Variants in CDHR4 observed in about 807,000 individuals in gnomAD.
CDHR4 encodes cadherin-related family member 4.
In CDHR4, 89 loss-of-function variants were observed where a neutral mutation model predicts 88.4. The observed-to-expected ratio is 1.01, with a 90% CI of 0.85 to 1.20. The LOEUF (loss-of-function observed/expected upper bound fraction) is 1.20, where lower values mean the gene tolerates loss of function less well. Among genes scored for constraint, CDHR4 ranks in the 50% most tolerant of loss-of-function variants. CDHR4 has a pLI of 0.00. For synonymous variants in CDHR4, 368 were observed against 399.2 expected (o/e 0.92, Z 0.93); for missense variants, 914 against 1,007.2 (o/e 0.91, Z 1.25).
intron 4 of CDHR4, 58 bp from the exon 5 acceptor site, chr3:49,797,090 A>G (rs1307179666): frequency 1.1e-5 from 15 of 1,412,358 alleles, no homozygotes; most frequent in East Asian, 5.0e-5. Flanking sequence ...GAGCACCCCC[A>G]TCGACAACCC....
chr3:49,794,753 G>C, intron 9 of CDHR4, 52 bp from the exon 10 acceptor site: 1 of 1,496,388 alleles, frequency 6.7e-7, no homozygotes, highest in East Asian at 2.5e-5. Flanking sequence ...AGAGAGCCCT[G>C]AGCCACACGG....
Position 49,795,610 on chromosome 3 carries a change from C to G in CDHR4, c.847+18G>C. 1 of 1,551,060 alleles carries G rather than the reference C, an allele frequency of 6.4e-7. No homozygotes were observed. Among genetic ancestry groups the G allele is most frequent in the Admixed American group, 2.0e-5 (1 of 50,966 alleles). On this transcript the variant is annotated intron_variant, in intron 7 of 18. Transcript: ENST00000412678. This position sits in a 1 kb window ranked among gnomAD's most constrained non-coding sequence, Gnocchi z 5.4. ...AGAGGCATCCCAGTACCTGCCCCCA[C>G]CCCCCAACACCTCTCACCACGACCA...
Position 49,791,774 on chromosome 3 carries a change from C to T in CDHR4, c.2223G>A (p.Glu741=). ...NSIQGTEGSI[E]GFLEAPKMEM... The stretch of plus-strand genomic sequence containing the variant: ...CCATCTTCGGTGCCTCCAGGAAACC[C>T]TCGATGGATCCCTCAGTTCCCTGGA... The change falls in exon 17 of 19, where the codon GAG becomes GAA. Residue 741 remains glutamate (E), a synonymous_variant. Coordinates refer to ENST00000412678, the MANE Select transcript of CDHR4 (RefSeq NM_001007540.4). 6.4e-7 allele frequency: 1 copy of T among 1,551,698 alleles called. No individual in the cohort carries two copies. The highest frequency in any genetic ancestry group is 8.7e-7 in the Non-Finnish European group (1 of 1,146,992).
chr3:49,799,614 G>GAAGT (rs1247761657), intron 1 of CDHR4, 150 bp downstream of exon 1: 1 of 1,045,334 alleles, frequency 9.6e-7, no homozygotes, highest in African/African-American at 1.6e-5. Flanking sequence ...CTTGACTGAG[G>GAAGT]AAGTGGCCAA....
intron 4 of CDHR4, among the ~76,000 whole-genome samples, 198 bp from the exon 5 acceptor site, chr3:49,797,230 T>C (rs2081285388): frequency 6.6e-6 from 1 of 151,728 alleles, no homozygotes; most frequent in Admixed American, 6.6e-5. Flanking sequence ...CTCTCCTTCC[T>C]TCCTTTCTCT....
chr3:49,795,054 G>A lies in CDHR4; in HGVS notation c.1078C>T (p.Leu360Phe), dbSNP rs572543403. ...TAPVGTVLNT[L>F]TCEDPDSVGA... ...ACAGAGTCCGGATCTTCGCAAGTGAGAGTATTCAGCACGGTGCCCACGGGT... is the reference window on the plus strand; with the variant it reads ...ACAGAGTCCGGATCTTCGCAAGTGAAAGTATTCAGCACGGTGCCCACGGGT... The change falls in exon 9 of 19, where the codon CTC becomes TTC. Residue 360 changes from leucine (L) to phenylalanine (F), a missense_variant. Leu to Phe is a conservative substitution (Grantham distance 22). Coordinates refer to ENST00000412678, the MANE Select transcript of CDHR4 (RefSeq NM_001007540.4). The surrounding 1 kb of genome is among the most constrained non-coding windows in gnomAD (Gnocchi z 5.4). 5.3e-5 allele frequency: 83 copies of A among 1,551,730 alleles called. No individual in the cohort carries two copies. In the South Asian group the frequency reaches 8.8e-4, roughly 16 times the overall value.
intron 11 of CDHR4, 30 bp from the exon 12 acceptor site, chr3:49,793,752 C>A: frequency 6.4e-7 from 1 of 1,551,552 alleles, no homozygotes; most frequent in East Asian, 2.4e-5. Flanking sequence ...CTTCAGCCTG[C>A]AGGGCCAACT....
chr3:49,798,560 C>G, intron 4 of CDHR4: 2 of 503,268 alleles, frequency 4.0e-6, no homozygotes, highest in South Asian at 6.3e-5. Flanking sequence ...TGCACTCCAG[C>G]CTGGACGACA....
At chr3:49,792,031 A>G in intron 15 of CDHR4, 72 bp from the exon 16 acceptor site, 1 of 1,433,926 alleles carries the variant, frequency 7.0e-7, no homozygotes, top group Non-Finnish European at 9.6e-7. Flanking sequence ...AGCACCATTC[A>G]CCCATTCCTT....
chr3:49,791,629 G>A, intron 17 of CDHR4, 85 bp downstream of exon 17: 2 of 1,494,560 alleles, frequency 1.3e-6, no homozygotes, highest in Non-Finnish European at 1.8e-6. Context: ...CGGAAAAGGG[G>A]CATGGGAAAA....
At chr3:49,791,242 C>T (rs2081174948) in intron 18 of CDHR4, among the ~76,000 whole-genome samples, 199 bp downstream of exon 18, 1 of 152,172 alleles carries the variant, frequency 6.6e-6, no homozygotes, top group South Asian at 2.1e-4. Context: ...TATGAGTCAT[C>T]TCCTGACCCC....
chr3:49,795,405 G>A lies in CDHR4; in HGVS notation c.848-26C>T. 6.5e-7 allele frequency: 1 copy of A among 1,546,108 alleles called. No individual in the cohort carries two copies. Among genetic ancestry groups the A allele is most frequent in the Non-Finnish European group, 8.7e-7 (1 of 1,146,078 alleles). ...CTGCATGGGGTGAGAGAACACAGAGGTCAGGGGTCAGGGAACACAGAGATC... is the reference window on the plus strand; with the variant it reads ...CTGCATGGGGTGAGAGAACACAGAGATCAGGGGTCAGGGAACACAGAGATC... On this transcript the variant is annotated intron_variant, in intron 7 of 18. Transcript: ENST00000412678. The surrounding 1 kb of genome is among the most constrained non-coding windows in gnomAD (Gnocchi z 5.4).
At chr3:49,801,198 T>G (rs991094231), upstream of CDHR4, among the ~76,000 whole-genome samples, 6 of 152,258 alleles carry the variant, frequency 3.9e-5, no homozygotes, top group African/African-American at 1.4e-4. Context: ...CACTGCCGAA[T>G]CCAGTGGTTT....
chr3:49,799,366 A>AT lies in CDHR4; in HGVS notation c.120dup (p.Ser41IlefsTer83), dbSNP rs756736432. ...GGCGTGTAGGAGGAGCAGTTGAAGG[A>AT]TAAAAACTGAAGGACTGTGCCAGGG... On this transcript the variant is annotated frameshift_variant, in exon 2 of 19. Transcript: ENST00000412678. LOFTEE classifies it high-confidence loss of function. 1.9e-6 allele frequency: 3 copies of AT among 1,612,694 alleles called. No individual in the cohort carries two copies. In the East Asian group the frequency reaches 6.7e-5, roughly 36 times the overall value.
upstream of CDHR4, among the ~76,000 whole-genome samples, chr3:49,802,453 G>T (rs1019557264): frequency 6.6e-6 from 1 of 152,190 alleles, no homozygotes; most frequent in Non-Finnish European, 1.5e-5. Flanking sequence ...GGGATTACAG[G>T]CGTGAGCCAC....
intron 10 of CDHR4, among the ~76,000 whole-genome samples, 183 bp downstream of exon 10, chr3:49,794,425 C>G (rs2081235609): frequency 6.6e-6 from 1 of 151,664 alleles, no homozygotes; most frequent in Admixed American, 6.6e-5. Flanking sequence ...GTGAGAGGGT[C>G]TAAAGGGAGG....
chr3:49,797,094 ACAACCCAGCAG>A, intron 4 of CDHR4, 62 bp from the exon 5 acceptor site: 2 of 1,379,642 alleles, frequency 1.4e-6, no homozygotes, highest in Non-Finnish European at 2.0e-6. Flanking sequence ...ACCCCCATCG[ACAACCCAGCAG>A]CAACCCTCCA....
At chr3:49,800,350 A>AC (rs1422152117), upstream of CDHR4, among the ~76,000 whole-genome samples, 2 of 151,754 alleles carry the variant, frequency 1.3e-5, no homozygotes, top group Non-Finnish European at 2.9e-5. Flanking sequence ...ACAAAGTGAG[A>AC]CCCCATCTCT....
In CDHR4 at chr3:49,795,042, C is replaced by G. The variant is rs1313051583; in HGVS notation, c.1090G>C (p.Asp364His). 6.4e-7 allele frequency: 1 copy of G among 1,551,708 alleles called. No homozygotes were observed. Among genetic ancestry groups the G allele is most frequent in the South Asian group, 1.2e-5 (1 of 84,060 alleles). ...GTVLNTLTCE[D>H]PDSVGATLDY... ...AGGGTGGCACCAACAGAGTCCGGAT[C>G]TTCGCAAGTGAGAGTATTCAGCACG... Residue 364 changes from aspartate (D) to histidine (H), a missense_variant, in exon 9 of 19, where the codon GAT becomes CAT. Transcript: ENST00000412678. The surrounding 1 kb of genome is among the most constrained non-coding windows in gnomAD (Gnocchi z 5.4).
Sources: gnomAD v4.1 joint callset for allele counts (sites outside exome capture counted in the v4.1 genomes callset) on GRCh38, gnomAD v4.1.1 for gene constraint, Gnocchi (gnomAD v3.1) non-coding constraint, MANE v1.5 for transcripts, NCBI Gene and HGNC (gene_info 2026-07-23, HGNC 2026-07-21) for gene names.